Variants in TBCEL observed in about 807,000 individuals in gnomAD.
TBCEL encodes the protein tubulin-specific chaperone cofactor E-like protein.
A neutral mutation model predicts 44.2 loss-of-function variants in TBCEL; 15 were observed. The ratio of observed to expected loss-of-function variants is 0.34; its 90% CI spans 0.23 to 0.52. TBCEL has a LOEUF of 0.52. Ranked by LOEUF, TBCEL falls within the 20% of genes least tolerant of loss-of-function variation. The probability of loss-of-function intolerance (pLI) is 0.95; values close to 1 mark genes in which losing one functional copy is unlikely to be tolerated. For missense variants in TBCEL, 319 were observed against 506.3 expected (o/e 0.63, Z 3.55); for synonymous variants, 171 against 185.4 (o/e 0.92, Z 0.63).
intron 8 of TBCEL, among the ~76,000 whole-genome samples, chr11:121,062,392 T>C (rs1836919103): frequency 6.6e-6 from 1 of 152,192 alleles, no homozygotes; most frequent in South Asian, 2.1e-4. Flanking sequence ...TCCAGTATTA[T>C]GTACTGTACA....
chr11:121,072,156 C>T (rs1190642016), intron 8 of TBCEL, among the ~76,000 whole-genome samples: 1 of 152,126 alleles, frequency 6.6e-6, no homozygotes, highest in East Asian at 1.9e-4. Context: ...TTTCCCAGCC[C>T]AGCAGAAGGC....
rs573987955 is a variant in TBCEL, at chr11:121,090,243, T to A, written c.*3147T>A. ...ACAGGAAAATTCAGTTCTAACCAGA[T>A]GTTCCAGCTATGTTACTCAACCAGC... On this transcript the variant is annotated 3_prime_UTR_variant, in exon 9 of 9. Transcript: ENST00000683345. 2 of 152,302 alleles carry A rather than the reference T, an allele frequency of 1.3e-5. No individual in the cohort carries two copies. The highest frequency in any genetic ancestry group is 4.8e-5 in the African/African-American group (2 of 41,570). The allele number at this position is 152,302 out of a possible 1,614,324, so 9.4% of individuals were successfully genotyped here. A position where few individuals can be genotyped will look rare whatever the true frequency, so the allele number is the denominator to read the frequency against.
At chr11:121,060,131 C>A in intron 8 of TBCEL, 46 bp downstream of exon 8, 1 of 1,373,280 alleles carries the variant, frequency 7.3e-7, no homozygotes, top group African/African-American at 1.4e-5. Context: ...GTGGTGATGC[C>A]AGTTAAGAAC....
intron 4 of TBCEL, among the ~76,000 whole-genome samples, chr11:121,048,764 C>T (rs1011499401): frequency 6.6e-6 from 1 of 151,838 alleles, no homozygotes; most frequent in Admixed American, 6.6e-5. Context: ...ATTTCTAGAA[C>T]TTTTTCTCCC....
chr11:121,030,657 G>A (rs1945126423), intron 1 of TBCEL, among the ~76,000 whole-genome samples: 1 of 152,184 alleles, frequency 6.6e-6, no homozygotes, highest in Non-Finnish European at 1.5e-5. Flanking sequence ...ATGAGTGGAA[G>A]AGGAGCAGAT....
Position 121,089,405 on chromosome 11 carries a change from A to G in TBCEL, c.*2309A>G, listed in dbSNP as rs1212121624. The G allele has an allele frequency of 6.6e-6, 1 of 152,154 alleles. No homozygotes were observed. Among genetic ancestry groups the G allele is most frequent in the South Asian group, 2.1e-4 (1 of 4,828 alleles). 9.4% of individuals were successfully genotyped at this position (152,154 alleles called of 1,614,324 possible). A position where few individuals can be genotyped will look rare whatever the true frequency, so the allele number is the denominator to read the frequency against. ...GGGAGCTTCTCATTTAATTCAGCGG[A>G]TGTGGGTATTTTTAGGGCATTGTAA... On this transcript the variant is annotated 3_prime_UTR_variant, in exon 9 of 9. Coordinates refer to ENST00000683345, the MANE Select transcript of TBCEL (RefSeq NM_001363644.2).
chr11:121,061,741 A>G (rs1420315089), intron 8 of TBCEL, among the ~76,000 whole-genome samples: 1 of 152,090 alleles, frequency 6.6e-6, no homozygotes, highest in African/African-American at 2.4e-5. Context: ...TACCACGAAA[A>G]TCTTGCGGGA....
chr11:121,027,178 A>G (rs1945061171), intron 1 of TBCEL, among the ~76,000 whole-genome samples: 1 of 152,226 alleles, frequency 6.6e-6, no homozygotes, highest in Non-Finnish European at 1.5e-5. Flanking sequence ...GGTTAGCTGT[A>G]TAAGAAGTAA....
chr11:121,055,389 C>T, intron 6 of TBCEL, 81 bp downstream of exon 6: 1 of 1,366,104 alleles, frequency 7.3e-7, no homozygotes, highest in Non-Finnish European at 9.6e-7. Flanking sequence ...ATATTTCTTT[C>T]AGTCACAGTT....
chr11:121,053,912 A>G (rs1945572659), intron 5 of TBCEL, among the ~76,000 whole-genome samples, 180 bp downstream of exon 5: 1 of 151,830 alleles, frequency 6.6e-6, no homozygotes, highest in South Asian at 2.1e-4. Context: ...TTCCAGTGGA[A>G]TACATGTTCA....
At chr11:121,039,044 G>A (rs1394724297) in intron 2 of TBCEL, among the ~76,000 whole-genome samples, 1 of 152,108 alleles carries the variant, frequency 6.6e-6, no homozygotes, top group East Asian at 1.9e-4. Flanking sequence ...TCTAGTCACT[G>A]TAATCTCTCA....
intron 2 of TBCEL, among the ~76,000 whole-genome samples, chr11:121,040,648 A>C (rs552328232): frequency 6.6e-6 from 1 of 152,054 alleles, no homozygotes; most frequent in East Asian, 1.9e-4. Flanking sequence ...TTCAAAATTA[A>C]TATTTTATAT....
At chr11:121,027,544 C>T (rs12576759) in intron 1 of TBCEL, among the ~76,000 whole-genome samples, 27,171 of 152,054 alleles carry the variant, frequency 0.18, 2,533 homozygotes, top group East Asian at 0.33. Context: ...TTTCTGGCAT[C>T]ATCATTACAC....
chr11:121,048,081 G>A (rs1460417590), intron 4 of TBCEL, among the ~76,000 whole-genome samples: 1 of 151,624 alleles, frequency 6.6e-6, no homozygotes, highest in Non-Finnish European at 1.5e-5. Context: ...GGAAATTTAG[G>A]CATCAAGAGG....
chr11:121,052,608 TTGTTTA>T (rs1945548760), intron 4 of TBCEL, among the ~76,000 whole-genome samples: 1 of 151,920 alleles, frequency 6.6e-6, no homozygotes, highest in South Asian at 2.1e-4. Context: ...TATTTCATAC[TTGTTTA>T]AGCTGATCCT....
chr11:121,053,353 C>G (rs1010916724), intron 4 of TBCEL, among the ~76,000 whole-genome samples, 198 bp from the exon 5 acceptor site: 1 of 151,898 alleles, frequency 6.6e-6, no homozygotes, highest in Non-Finnish European at 1.5e-5. Context: ...GCCACTATTT[C>G]ATTGAAAGAT....
rs143474078 is a variant in TBCEL at position 121,036,325 on chromosome 11, A to C, written c.-125-180A>C. The C allele has an allele frequency of 2.5e-3, 385 of 152,370 alleles. 1 individual carries two copies. The highest frequency in any genetic ancestry group is 3.6e-3 in the African/African-American group (150 of 41,508). The allele number at this position is 152,370 out of a possible 1,614,324, so 9.4% of individuals were successfully genotyped here. ...GGGCCAAATAGAAAGGTAGGAGTAG[A>C]TGTAAATTTGTTTGTAAAGGAGTTG... On this transcript the variant is annotated intron_variant, in intron 1 of 8. Transcript: ENST00000683345.
intron 3 of TBCEL, among the ~76,000 whole-genome samples, chr11:121,046,753 T>TAAAA (rs1298667491): frequency 6.6e-6 from 1 of 152,104 alleles, no homozygotes; most frequent in Non-Finnish European, 1.5e-5. Flanking sequence ...TTATCCTTTT[T>TAAAA]AGTAGAGATT....
At chr11:121,073,461 A>G (rs1394439004) in intron 8 of TBCEL, among the ~76,000 whole-genome samples, 2 of 151,866 alleles carry the variant, frequency 1.3e-5, no homozygotes, top group African/African-American at 4.8e-5. Context: ...TTGTTGCTCT[A>G]TAGAAATGTC....
Sources: gnomAD v4.1 joint callset for allele counts (sites outside exome capture counted in the v4.1 genomes callset) on GRCh38, gnomAD v4.1.1 for gene constraint, MANE v1.5 for transcripts, NCBI Gene and HGNC (gene_info 2026-07-23, HGNC 2026-07-21) for gene names.